Variants in AGRN observed in about 807,000 individuals in gnomAD.
AGRN encodes agrin.
In AGRN, 106 loss-of-function variants were observed where a neutral mutation model predicts 211.0. The ratio of observed to expected loss-of-function variants is 0.50; its 90% CI spans 0.43 to 0.59. The LOEUF is 0.59. AGRN is among the 20% of genes least tolerant of loss of function. The pLI is 0.00. For missense variants in AGRN, 3,040 were observed against 2,982.6 expected (o/e 1.02, Z -0.45); for synonymous variants, 1,525 against 1,332.5 (o/e 1.14, Z -3.15).
intron 30 of AGRN, 145 bp downstream of exon 30, chr1:1,050,982 C>T (rs1398270514): frequency 4.5e-6 from 7 of 1,551,052 alleles, no homozygotes; most frequent in Admixed American, 2.0e-5. Context: ...TCCTCTGCCT[C>T]CCTGCTCTCT....
At position 1,050,965 on chromosome 1, in the gene AGRN, C is replaced by G. The variant is rs1170745258; in HGVS notation, c.5253+128C>G. On this transcript the variant is annotated intron_variant, in intron 30 of 35. Transcript: ENST00000379370. ...TGTTCTCTTGGCCGCCTGCCCTGTC[C>G]TCTGCCTCCTCTGCCTCCCTGCTCT... The G allele has an allele frequency of 7.1e-6, 11 of 1,549,542 alleles. No homozygotes were observed. The East Asian group carries it at 2.4e-4, about 34-fold the overall frequency.
Position 1,049,281 on chromosome 1 carries a change from G to C in AGRN, c.4344G>C (p.Pro1448=), listed in dbSNP as rs1321979292. The change falls in exon 25 of 36, where the codon CCG becomes CCC. Residue 1448 remains proline, a synonymous_variant. Transcript: ENST00000379370. ...SGPAVLTSAV[P]VEPGQWHRLE... ...CGGCGGTGCTGACCAGTGCCGTGCC[G>C]GTAGAGCCGGGCCAGTGGCACCGCC... 1.3e-6 allele frequency: 2 copies of C among 1,596,024 alleles called. No homozygotes were observed. The highest frequency in any genetic ancestry group is 2.2e-5 in the South Asian group (2 of 90,192).
chr1:1,034,997 G>A (rs1247421546), intron 2 of AGRN: 3 of 568,160 alleles, frequency 5.3e-6, no homozygotes, highest in Non-Finnish European at 9.4e-6. Context: ...GACTCTTCCA[G>A]GGAAGGGGGT....
In AGRN at chr1:1,053,713, C is replaced by T. The variant is rs548654056; in HGVS notation, c.5652-40C>T. The stretch of plus-strand genomic sequence containing the variant: ...CCGCCTCCCCCACCCTGTCCTGTTG[C>T]CACCTTCCTAGAGGCCCTGACCTGC... On this transcript the variant is annotated intron_variant, in intron 33 of 35. Transcript: ENST00000379370. The T allele has an allele frequency of 2.7e-5, 41 of 1,541,660 alleles. No individual in the cohort carries two copies. In the South Asian group the frequency reaches 4.6e-4, roughly 17 times the overall value.
At chr1:1,052,414 T>G (rs1222627628) in intron 33 of AGRN, 5 of 304,036 alleles carry the variant, frequency 1.6e-5, no homozygotes, top group South Asian at 8.2e-5. Flanking sequence ...TGTGTATATG[T>G]GGGGGGGACA....
chr1:1,037,843 C>T (rs920387094), intron 3 of AGRN, among the ~76,000 whole-genome samples: 42 of 152,082 alleles, frequency 2.8e-4, no homozygotes, highest in African/African-American at 9.9e-4. Context: ...CATCTCGGGG[C>T]GTGGCTGCTG....
At chr1:1,054,029 T>C (rs1270971242) in intron 34 of AGRN, 52 bp downstream of exon 34, 1 of 1,527,686 alleles carries the variant, frequency 6.5e-7, no homozygotes, top group African/African-American at 1.4e-5. Context: ...TGCCCAGACT[T>C]GCCCAGCTGG....
intron 2 of AGRN, 144 bp downstream of exon 2, chr1:1,022,606 T>A: frequency 3.9e-5 from 1 of 25,728 alleles, no homozygotes; most frequent in Non-Finnish European, 1.5e-4. Context: ...AACCTCATTC[T>A]CTGCTTCTCC....
Position 1,047,641 on chromosome 1 carries a change from G to C in AGRN, c.3585G>C (p.Gly1195=). 6.2e-7 allele frequency: 1 copy of C among 1,613,084 alleles called. No homozygotes were observed. The highest frequency in any genetic ancestry group is 8.5e-7 in the Non-Finnish European group (1 of 1,180,018). The stretch of plus-strand genomic sequence containing the variant: ...GGAGTGTCCGCTTGCGGGACCTGGG[G>C]CCCGGCAAATCCGTCCGCGCCATTG... ...DFRSVRLRDL[G]PGKSVRAIVD... Residue 1195 remains glycine, a synonymous_variant, in exon 21 of 36, where the codon GGG becomes GGC. Transcript: ENST00000379370.
At position 1,032,598 on chromosome 1, in the gene AGRN, T is replaced by C. The variant is rs905819897; in HGVS notation, c.464-2679T>C. ...CCTGGGTGTGACCACGCGGTGGCAC[T>C]GGTGGCTGCCGGCAGCTGTCGTCTG... On this transcript the variant is annotated intron_variant, in intron 2 of 35. Coordinates refer to ENST00000379370, the MANE Select transcript of AGRN (RefSeq NM_198576.4). This position sits in a 1 kb window ranked among gnomAD's most constrained non-coding sequence, Gnocchi z 4.7. 1.3e-5 allele frequency among the ~76,000 whole-genome samples: 2 copies of C among 152,084 alleles called. No individual in the cohort carries two copies. The highest frequency in any genetic ancestry group is 4.8e-5 in the African/African-American group (2 of 41,396).
rs757325737 is a variant in AGRN, at chr1:1,049,416, C to G, written c.4479C>G (p.Leu1493=). 2 of 1,599,230 alleles carry G rather than the reference C, an allele frequency of 1.3e-6. No homozygotes were observed. Among genetic ancestry groups the G allele is most frequent in the Non-Finnish European group, 1.7e-6 (2 of 1,179,732 alleles). ...ACGGCCTCAACCTGGACACAGACCT[C>G]TTTGTGGGCGGCGTACCCGAGGACC... ...GTDGLNLDTD[L]FVGGVPEDQA... is the part of the protein sequence containing the mutation. Residue 1493 remains leucine (L), a synonymous_variant, in exon 25 of 36, where the codon CTC becomes CTG. Coordinates refer to ENST00000379370, the MANE Select transcript of AGRN (RefSeq NM_198576.4).
Position 1,042,004 on chromosome 1 carries a change from G to T in AGRN, c.1226G>T (p.Arg409Leu). ...CRFNAVCLSR[R>L]GRPRCSCDRV... The stretch of plus-strand genomic sequence containing the variant: ...TTCAATGCCGTGTGCCTGTCCCGCC[G>T]TGGCCGTCCCCGCTGCTCCTGCGAC... Residue 409 changes from arginine to leucine, a missense_variant, in exon 7 of 36, where the codon CGT becomes CTT. By Grantham distance (102) the Arg-to-Leu change is moderately radical. This residue lies in a region of AGRN where 1,498 missense variants were observed against 1,457.8 expected (regional missense o/e 1.03). Transcript: ENST00000379370. The T allele has an allele frequency of 6.2e-7, 1 of 1,611,530 alleles. No homozygotes were observed. The highest frequency in any genetic ancestry group is 8.5e-7 in the Non-Finnish European group (1 of 1,179,676).
Position 1,031,136 on chromosome 1 carries a change from T to C in AGRN, c.464-4141T>C, listed in dbSNP as rs1644666170. 7.1e-6 allele frequency among the ~76,000 whole-genome samples: 1 copy of C among 141,762 alleles called. No homozygotes were observed. The highest frequency in any genetic ancestry group is 1.5e-5 in the Non-Finnish European group (1 of 65,930). The allele number at this position is 141,762 out of a possible 152,430, so 93.0% of individuals were successfully genotyped here. A position where few individuals can be genotyped will look rare whatever the true frequency, so the allele number is the denominator to read the frequency against. On this transcript the variant is annotated intron_variant, in intron 2 of 35. Transcript: ENST00000379370. The surrounding 1 kb of genome is among the most constrained non-coding windows in gnomAD (Gnocchi z 4.8). ...TGGTGCTGTGTGAGATGTGTGTGTG[T>C]GCAGTGCATGGTGCTGTGTGAGATT...
At chr1:1,052,258 G>A (rs1480724963) in intron 33 of AGRN, 13 of 363,206 alleles carry the variant, frequency 3.6e-5, no homozygotes, top group Middle Eastern at 1.0e-3. Context: ...ACACCTGTGC[G>A]CATATGCATG....
chr1:1,045,055 G>C (rs1488717115), intron 12 of AGRN, 106 bp from the exon 13 acceptor site: 1 of 1,272,476 alleles, frequency 7.9e-7, no homozygotes, highest in Non-Finnish European at 1.1e-6. Context: ...AGCTGGGATC[G>C]GGACGGCTGA....
chr1:1,035,043 CAG>C (rs1644768123), intron 2 of AGRN: 2 of 607,824 alleles, frequency 3.3e-6, no homozygotes, highest in Non-Finnish European at 5.8e-6. Context: ...CCCCATCTGA[CAG>C]GGGTCAGGCC....
rs1456221710 is a variant in AGRN at position 1,041,592 on chromosome 1, T to C, written c.1067T>C (p.Val356Ala). Residue 356 changes from valine (V) to alanine (A), a missense_variant, in exon 6 of 36, where the codon GTG (valine) becomes GCG (alanine). Coordinates refer to ENST00000379370, the MANE Select transcript of AGRN (RefSeq NM_198576.4). ...AGCTGCCCTGCCCGGCAGGCGCCAG[T>C]GTGTGGGGACGACGGAGTCACCTAC... ...PESCPARQAPVCGDDGVTYEN... is the reference protein window; with the variant it reads ...PESCPARQAPACGDDGVTYEN... 1 of 1,610,522 alleles carries C rather than the reference T, an allele frequency of 6.2e-7. No homozygotes were observed.
rs1645009428 is a variant in AGRN at position 1,043,657 on chromosome 1, C to T, written c.1723C>T (p.Pro575Ser). ...PVCGSDGHTY[P>S]SECMLHVHAC... The stretch of plus-strand genomic sequence containing the variant: ...GTGTGGCTCCGACGGGCACACGTAC[C>T]CCAGCGAGTGCATGCTGCACGTGCA... Residue 575 changes from proline (P) to serine (S), a missense_variant, in exon 9 of 36, where the codon CCC (proline) becomes TCC (serine). This residue lies in a region of AGRN where 1,498 missense variants were observed against 1,457.8 expected (regional missense o/e 1.03). Coordinates refer to ENST00000379370, the MANE Select transcript of AGRN (RefSeq NM_198576.4). 2 of 1,601,242 alleles carry T rather than the reference C, an allele frequency of 1.2e-6. No homozygotes were observed. Among genetic ancestry groups the T allele is most frequent in the Non-Finnish European group, 1.7e-6 (2 of 1,179,656 alleles).
In AGRN at chr1:1,051,257, C is replaced by A; in HGVS notation, c.5258C>A (p.Pro1753Gln). The A allele has an allele frequency of 6.3e-7, 1 of 1,581,762 alleles. No homozygotes were observed. Among genetic ancestry groups the A allele is most frequent in the Non-Finnish European group, 8.6e-7 (1 of 1,165,224 alleles). The change falls in exon 31 of 36, where the codon CCG becomes CAG. Residue 1753 changes from proline (P) to glutamine (Q), a missense_variant. Pro to Gln is a moderately conservative substitution (Grantham distance 76). Around this residue, in one of 3 missense-constraint regions of AGRN, gnomAD observed 1,537 missense variants for 1,505.0 expected, o/e 1.02. Coordinates refer to ENST00000379370, the MANE Select transcript of AGRN (RefSeq NM_198576.4). ...GPRVLGESPVPHTVLNLKEPL... is the reference protein window; with the variant it reads ...GPRVLGESPVQHTVLNLKEPL... ...ACTTACCTGGCGTCCCCGCAGGTTC[C>A]GCACACCGTCCTCAACCTGAAGGAG...
Sources: gnomAD v4.1 joint callset for allele counts (sites outside exome capture counted in the v4.1 genomes callset) on GRCh38, gnomAD v4.1.1 for gene constraint, gnomAD v4.1.1 regional missense constraint, Gnocchi (gnomAD v3.1) non-coding constraint, MANE v1.5 for transcripts, NCBI Gene and HGNC (gene_info 2026-07-23, HGNC 2026-07-21) for gene names.